The following PAK5 variants were observed in gnomAD, a reference collection of about 807,000 sequenced individuals.
PAK5 encodes p21 (RAC1) activated kinase 5.
In PAK5, 16 loss-of-function variants were observed where a neutral mutation model predicts 65.9. That is an observed-to-expected ratio of 0.24 (90% CI 0.16 to 0.37). PAK5 has a LOEUF of 0.37. PAK5 is among the 10% of genes least tolerant of loss of function. PAK5 has a pLI of 1.00. For synonymous variants in PAK5, 371 were observed against 354.9 expected (o/e 1.05, Z -0.51); for missense variants, 785 against 903.9 (o/e 0.87, Z 1.69).
At chr20:9,729,560 T>C (rs1569062415) in intron 1 of PAK5, among the ~76,000 whole-genome samples, 1 of 152,164 alleles carries the variant, frequency 6.6e-6, no homozygotes, top group African/African-American at 2.4e-5. Context: ...ACAAGCGTTT[T>C]AGTGAGACTT....
chr20:9,571,882 G>A (rs956292466), intron 4 of PAK5, among the ~76,000 whole-genome samples: 3 of 142,230 alleles, frequency 2.1e-5, no homozygotes, highest in Non-Finnish European at 4.6e-5. Context: ...GATGGGGGGG[G>A]GGGATGTGGT....
intron 1 of PAK5, among the ~76,000 whole-genome samples, chr20:9,736,229 A>G (rs2048388216): frequency 6.6e-6 from 1 of 152,230 alleles, no homozygotes; most frequent in East Asian, 1.9e-4. Flanking sequence ...TGAAACACAT[A>G]GGGAAATGAT....
intron 3 of PAK5, among the ~76,000 whole-genome samples, chr20:9,597,698 A>C (rs1218441355): frequency 6.6e-6 from 1 of 152,178 alleles, no homozygotes; most frequent in Non-Finnish European, 1.5e-5. Context: ...GTTGTGCCCA[A>C]TCAAGTCTAC....
intron 3 of PAK5, among the ~76,000 whole-genome samples, chr20:9,604,708 A>C (rs958948778): frequency 6.6e-6 from 1 of 152,110 alleles, no homozygotes; most frequent in African/African-American, 2.4e-5. Context: ...TCCCTTTGCC[A>C]CCCACACACC....
rs145587647 is a variant in PAK5, at chr20:9,837,006, C to T, written c.-162+1756G>A. 4.9e-3 allele frequency among the ~76,000 whole-genome samples: 752 copies of T among 152,296 alleles called. 20 individuals carry two copies. The highest frequency in any genetic ancestry group is 0.041 in the Admixed American group (630 of 15,286). ...AGCAGGTCCTGACAGAGTGGAGAGGCACTGCCAGACTAGATTTTCAATGCT... is the reference window on the plus strand; with the variant it reads ...AGCAGGTCCTGACAGAGTGGAGAGGTACTGCCAGACTAGATTTTCAATGCT... On this transcript the variant is annotated intron_variant, in intron 1 of 9. Coordinates refer to ENST00000353224, the MANE Select transcript of PAK5 (RefSeq NM_177990.4).
At chr20:9,835,209 T>A (rs1979052361) in intron 1 of PAK5, among the ~76,000 whole-genome samples, 1 of 152,172 alleles carries the variant, frequency 6.6e-6, no homozygotes, top group Admixed American at 6.5e-5. Flanking sequence ...CTTCTGCATA[T>A]AAGACATAAA....
intron 3 of PAK5, among the ~76,000 whole-genome samples, chr20:9,601,074 T>C (rs1600120445): frequency 2.0e-5 from 3 of 152,270 alleles, no homozygotes; most frequent in East Asian, 3.9e-4. Flanking sequence ...CTCTCTCTTA[T>C]ATCTAAGCTG....
chr20:9,621,075 G>A (rs1404415219), intron 3 of PAK5, among the ~76,000 whole-genome samples: 2 of 151,864 alleles, frequency 1.3e-5, no homozygotes, highest in Non-Finnish European at 2.9e-5. Context: ...AAAGCAACAA[G>A]AGCATCTCTG....
At chr20:9,542,509 G>T in intron 9 of PAK5, 77 bp downstream of exon 9, 2 of 1,400,612 alleles carry the variant, frequency 1.4e-6, no homozygotes, top group Non-Finnish European at 2.0e-6. Flanking sequence ...GATGTGGTAA[G>T]CCAGTCTTAA....
chr20:9,746,343 C>T (rs558682503), intron 1 of PAK5, among the ~76,000 whole-genome samples: 9 of 152,288 alleles, frequency 5.9e-5, no homozygotes, highest in East Asian at 1.9e-4. Flanking sequence ...GTCCAGAAAC[C>T]GCACAGACAT....
At position 9,838,519 on chromosome 20, in the gene PAK5, A is replaced by G. The variant is rs1271788033; in HGVS notation, c.-162+243T>C. The stretch of plus-strand genomic sequence containing the variant: ...ACCATCCTTTATTTGGTTGGTAGAG[A>G]GCCCAGGCTGGATAGTAGCGCATGG... On this transcript the variant is annotated intron_variant, in intron 1 of 9. Transcript: ENST00000353224. The surrounding 1 kb of genome is among the most constrained non-coding windows in gnomAD (Gnocchi z 4.5). Among the ~76,000 whole-genome samples, 1 of 152,068 alleles carries G rather than the reference A, an allele frequency of 6.6e-6. No homozygotes were observed. The highest frequency in any genetic ancestry group is 2.4e-5 in the African/African-American group (1 of 41,416).
At chr20:9,808,025 T>G (rs904542312) in intron 1 of PAK5, among the ~76,000 whole-genome samples, 1 of 152,152 alleles carries the variant, frequency 6.6e-6, no homozygotes, top group African/African-American at 2.4e-5. Context: ...TATTATTTAC[T>G]CTGACAGTAA....
intron 1 of PAK5, among the ~76,000 whole-genome samples, chr20:9,795,947 C>A (rs533310983): frequency 5.9e-5 from 9 of 152,114 alleles, no homozygotes; most frequent in Admixed American, 5.9e-4. Flanking sequence ...ATGTCCATAT[C>A]AGCATATATA....
chr20:9,760,505 C>T (rs1384497310), intron 1 of PAK5, among the ~76,000 whole-genome samples: 1 of 151,146 alleles, frequency 6.6e-6, no homozygotes, highest in Non-Finnish European at 1.5e-5. Context: ...ATCTACTGGG[C>T]TGCTCCTGAC....
At chr20:9,719,724 A>G (rs2048192008) in intron 1 of PAK5, among the ~76,000 whole-genome samples, 1 of 152,140 alleles carries the variant, frequency 6.6e-6, no homozygotes, top group South Asian at 2.1e-4. Context: ...TGTAAACTTA[A>G]TTGACTACAT....
At chr20:9,795,103 A>G (rs890455753) in intron 1 of PAK5, among the ~76,000 whole-genome samples, 1 of 152,072 alleles carries the variant, frequency 6.6e-6, no homozygotes, top group African/African-American at 2.4e-5. Context: ...AAGAACCTTG[A>G]ATCTCTCCTA....
chr20:9,558,039 T>TTC lies in PAK5; in HGVS notation c.1617-306_1617-305insGA, dbSNP rs1568961863. On this transcript the variant is annotated intron_variant, in intron 6 of 9. Transcript: ENST00000353224. ...TTATTTATTTATTTATTTATTTATT[T>TTC]ATTTATTCATTCATTCATTCATTCA... Among the ~76,000 whole-genome samples, 174 of 76,736 alleles carry TTC rather than the reference T, an allele frequency of 2.3e-3. 1 individual carries two copies. The highest frequency in any genetic ancestry group is 0.016 in the African/African-American group (160 of 9,910). The allele number at this position is 76,736 out of a possible 152,430, so 50.3% of individuals were successfully genotyped here.
intron 7 of PAK5, among the ~76,000 whole-genome samples, chr20:9,554,220 C>G (rs958249352): frequency 2.6e-5 from 4 of 152,240 alleles, no homozygotes; most frequent in African/African-American, 7.2e-5. Flanking sequence ...GAGGAGGACT[C>G]TAAACCCCTG....
At chr20:9,702,424 A>G (rs573757851) in intron 2 of PAK5, among the ~76,000 whole-genome samples, 1 of 152,310 alleles carries the variant, frequency 6.6e-6, no homozygotes, top group Admixed American at 6.5e-5. Flanking sequence ...GCCCCAGATG[A>G]CCAAATAACA....
Sources: allele counts gnomAD v4.1 joint callset (sites outside exome capture counted in the v4.1 genomes callset), GRCh38; gene constraint gnomAD v4.1.1; non-coding constraint Gnocchi (gnomAD v3.1); transcripts MANE v1.5; gene names NCBI Gene and HGNC (gene_info 2026-07-23, HGNC 2026-07-21).